IL13RA1: variants seen among roughly 807,000 people sequenced by gnomAD.
IL13RA1 encodes the protein interleukin-13 receptor subunit alpha-1.
In IL13RA1, 14 loss-of-function variants were observed where a neutral mutation model predicts 33.8. The ratio of observed to expected loss-of-function variants is 0.41; its 90% CI spans 0.27 to 0.65. The LOEUF (loss-of-function observed/expected upper bound fraction) is 0.65, where lower values mean the gene tolerates loss of function less well. Ranked by LOEUF, IL13RA1 falls within the 30% of genes least tolerant of loss-of-function variation. The pLI, the probability that IL13RA1 is intolerant of heterozygous loss-of-function variation, is 0.28. For synonymous variants in IL13RA1, 116 were observed against 115.7 expected (o/e 1.00, Z -0.02); for missense variants, 313 against 327.0 (o/e 0.96, Z 0.33).
chrX:118,786,123 T>C (rs192969825), intron 10 of IL13RA1, among the ~76,000 whole-genome samples: 95 of 111,703 alleles, frequency 8.5e-4, no homozygotes, highest in African/African-American at 2.9e-3. Context: ...TTAAACATTT[T>C]TTATTTTAAA....
chrX:118,774,972 C>T (rs1399797438), intron 9 of IL13RA1, among the ~76,000 whole-genome samples: 4 of 111,316 alleles, frequency 3.6e-5, no homozygotes, highest in Non-Finnish European at 7.5e-5. Flanking sequence ...GTGAACAGGA[C>T]AAAGTCCTCA....
chrX:118,757,479 G>A (rs776576383), intron 4 of IL13RA1, among the ~76,000 whole-genome samples: 17 of 95,916 alleles, frequency 1.8e-4, no homozygotes, highest in Admixed American at 1.7e-3. Flanking sequence ...AGCTGAGATC[G>A]TGCCACTGTA....
At chrX:118,728,020 G>C (rs2017174528) in intron 1 of IL13RA1, among the ~76,000 whole-genome samples, 1 of 110,892 alleles carries the variant, frequency 9.0e-6, no homozygotes, top group South Asian at 3.8e-4. Flanking sequence ...GTAGTGGGAA[G>C]AGCCCAGGAG....
At chrX:118,774,152 C>CT (rs749517738) in intron 9 of IL13RA1, among the ~76,000 whole-genome samples, 177 bp downstream of exon 9, 1,354 of 95,297 alleles carry the variant, frequency 0.014, 26 homozygotes, top group African/African-American at 0.044. Context: ...CTTTTCTTTT[C>CT]TTTTTTTTTT....
chrX:118,766,820 G>T lies in IL13RA1; in HGVS notation c.877-24G>T, dbSNP rs777441056. On this transcript the variant is annotated intron_variant, in intron 7 of 10. Coordinates refer to ENST00000371666, the MANE Select transcript of IL13RA1 (RefSeq NM_001560.3). ...AAAGAATAAACTGGTAATATTCCTT[G>T]TGTATTTTTATTTTATGCCTAAGAA... The T allele has an allele frequency of 3.4e-6, 3 of 894,793 alleles. No individual in the cohort carries two copies. The African/African-American group carries it at 6.0e-5, about 18-fold the overall frequency. The allele number at this position is 894,793 out of a possible 1,213,427, so 73.7% of individuals were successfully genotyped here. A position where few individuals can be genotyped will look rare whatever the true frequency, so the allele number is the denominator to read the frequency against.
intron 10 of IL13RA1, 28 bp downstream of exon 10, chrX:118,776,539 ATGT>A: frequency 4.4e-6 from 1 of 225,301 alleles, no homozygotes; most frequent in South Asian, 8.3e-5. Context: ...GGGGCTTGAA[ATGT>A]TTTTTTTTTT....
At chrX:118,786,426 G>T (rs1016763534) in intron 10 of IL13RA1, among the ~76,000 whole-genome samples, 22 of 111,223 alleles carry the variant, frequency 2.0e-4, no homozygotes, top group Non-Finnish European at 1.3e-4. Flanking sequence ...GTAGAGGTGG[G>T]GTTTCACCAT....
chrX:118,785,688 A>G (rs925125730), intron 10 of IL13RA1, among the ~76,000 whole-genome samples: 4 of 110,612 alleles, frequency 3.6e-5, no homozygotes, highest in African/African-American at 1.3e-4. Flanking sequence ...CTCCTGCCTC[A>G]GCCTCCCAAG....
intron 4 of IL13RA1, among the ~76,000 whole-genome samples, chrX:118,752,176 G>A (rs778747746): frequency 2.9e-4 from 32 of 110,815 alleles, no homozygotes; most frequent in African/African-American, 1.1e-3. Context: ...GCTCCCTGGT[G>A]GCTTTAGGTT....
intron 1 of IL13RA1, among the ~76,000 whole-genome samples, chrX:118,732,650 A>C (rs2017235952): frequency 9.3e-6 from 1 of 107,970 alleles, no homozygotes; most frequent in Middle Eastern, 4.4e-3. Flanking sequence ...GAGAACATGC[A>C]GTGTTTGGTT....
Position 118,753,027 on chromosome X carries a change from A to G in IL13RA1, c.488+3249A>G, listed in dbSNP as rs112130920. Among the ~76,000 whole-genome samples the G allele has an allele frequency of 4.0e-3, 448 of 111,891 alleles. 1 individual carries two copies. Among genetic ancestry groups the G allele is most frequent in the African/African-American group, 0.014 (421 of 30,715 alleles). ...ATTAACCCCTCTTGTTTTCCCTGGA[A>G]TCATTATTGGTAAAACCGCAGGGAA... On this transcript the variant is annotated intron_variant, in intron 4 of 10. Coordinates refer to ENST00000371666, the MANE Select transcript of IL13RA1 (RefSeq NM_001560.3).
intron 8 of IL13RA1, among the ~76,000 whole-genome samples, chrX:118,767,626 CAA>C (rs2017664826): frequency 9.0e-6 from 1 of 111,089 alleles, no homozygotes; most frequent in Non-Finnish European, 1.9e-5. Context: ...TTGGCAGAAA[CAA>C]GAGTGGAGCC....
At chrX:118,780,030 C>T (rs2017825212) in intron 10 of IL13RA1, among the ~76,000 whole-genome samples, 1 of 111,811 alleles carries the variant, frequency 8.9e-6, no homozygotes, top group Non-Finnish European at 1.9e-5. Context: ...CAATATGGAC[C>T]ATTAAAAGCA....
chrX:118,753,215 A>G (rs1190703419), intron 4 of IL13RA1, among the ~76,000 whole-genome samples: 1 of 112,209 alleles, frequency 8.9e-6, no homozygotes, highest in Admixed American at 9.4e-5. Flanking sequence ...GGTTCTTCTA[A>G]GACAAAAATA....
intron 1 of IL13RA1, among the ~76,000 whole-genome samples, chrX:118,729,539 AAG>A (rs1427860758): frequency 9.0e-6 from 1 of 111,698 alleles, no homozygotes; most frequent in Non-Finnish European, 1.9e-5. Flanking sequence ...CATAAATTCT[AAG>A]AGCTCCTCCA....
chrX:118,748,718 C>T (rs1409653351), intron 3 of IL13RA1, among the ~76,000 whole-genome samples: 1 of 111,082 alleles, frequency 9.0e-6, no homozygotes, highest in Non-Finnish European at 1.9e-5. Context: ...CTTCAAGGAT[C>T]ATGAGGGATA....
intron 10 of IL13RA1, among the ~76,000 whole-genome samples, chrX:118,785,453 TA>T (rs756918126): frequency 3.6e-5 from 4 of 112,097 alleles, no homozygotes; most frequent in African/African-American, 1.3e-4. Flanking sequence ...TCATTTTTGT[TA>T]AAAAATCCTA....
Position 118,792,064 on chromosome X carries a change from A to G in IL13RA1, c.*210A>G, listed in dbSNP as rs1339916080. ...TGGAGAAGAGTGTGGAGTCATTCTC[A>G]TTGAATTATAAAAGCCAGCAGGCTT... On this transcript the variant is annotated 3_prime_UTR_variant, in exon 11 of 11. Coordinates refer to ENST00000371666, the MANE Select transcript of IL13RA1 (RefSeq NM_001560.3). 1.6e-5 allele frequency: 4 copies of G among 253,765 alleles called. No individual in the cohort carries two copies. The highest frequency in any genetic ancestry group is 2.8e-5 in the Non-Finnish European group (4 of 144,658). 20.9% of individuals were successfully genotyped at this position (253,765 alleles called of 1,213,427 possible). A position where few individuals can be genotyped will look rare whatever the true frequency, so the allele number is the denominator to read the frequency against.
chrX:118,767,051 G>T, intron 8 of IL13RA1, 75 bp downstream of exon 8: 1 of 533,881 alleles, frequency 1.9e-6, no homozygotes. Context: ...AAATAGACTG[G>T]GGAAAGGGAC....
Sources: allele counts gnomAD v4.1 joint callset (sites outside exome capture counted in the v4.1 genomes callset), GRCh38; gene constraint gnomAD v4.1.1; transcripts MANE v1.5; gene names NCBI Gene and HGNC (gene_info 2026-07-23, HGNC 2026-07-21).